Variants in CRYL1 observed in about 807,000 individuals in gnomAD.
CRYL1 encodes lambda-crystallin homolog.
In CRYL1, 29 loss-of-function variants were observed where a neutral mutation model predicts 36.6. The ratio of observed to expected loss-of-function variants is 0.79; its 90% CI spans 0.59 to 1.08. CRYL1 has a LOEUF of 1.08. CRYL1 is among the 50% of genes least tolerant of loss of function. The pLI, the probability that CRYL1 is intolerant of heterozygous loss-of-function variation, is 0.00. For missense variants in CRYL1, 411 were observed against 407.9 expected (o/e 1.01, Z -0.06); for synonymous variants, 152 against 151.5 (o/e 1.00, Z -0.02).
chr13:20,469,942 A>G (rs2033020018), intron 3 of CRYL1, among the ~76,000 whole-genome samples: 2 of 152,236 alleles, frequency 1.3e-5, no homozygotes, highest in South Asian at 4.1e-4. Context: ...GAAGGATGGG[A>G]GGGACACAGC....
At chr13:20,507,584 A>G (rs2033816224) in intron 2 of CRYL1, among the ~76,000 whole-genome samples, 1 of 152,158 alleles carries the variant, frequency 6.6e-6, no homozygotes, top group African/African-American at 2.4e-5. Context: ...TCAGCTCCAA[A>G]CCTACCTGTT....
At chr13:20,507,519 C>G (rs929285824) in intron 2 of CRYL1, among the ~76,000 whole-genome samples, 1 of 152,198 alleles carries the variant, frequency 6.6e-6, no homozygotes, top group African/African-American at 2.4e-5. Flanking sequence ...GTCTCCTCTT[C>G]CCTTGGAGGT....
chr13:20,489,611 C>CCA, intron 2 of CRYL1, 115 bp from the exon 3 acceptor site: 3 of 1,217,624 alleles, frequency 2.5e-6, no homozygotes, highest in Non-Finnish European at 3.5e-6. Flanking sequence ...AGTGAGATAC[C>CCA]ACCTCACACC....
chr13:20,462,955 C>A (rs2032861586), intron 3 of CRYL1, among the ~76,000 whole-genome samples: 1 of 152,188 alleles, frequency 6.6e-6, no homozygotes, highest in Non-Finnish European at 1.5e-5. Flanking sequence ...ACTTTATATG[C>A]CTTTTCATTT....
chr13:20,478,888 G>A (rs558619312), intron 3 of CRYL1, among the ~76,000 whole-genome samples: 10 of 151,978 alleles, frequency 6.6e-5, no homozygotes, highest in Non-Finnish European at 1.0e-4. Flanking sequence ...AGGTAGCTGG[G>A]ACTACAGGCA....
intron 3 of CRYL1, among the ~76,000 whole-genome samples, chr13:20,467,981 T>C (rs1481676152): frequency 6.6e-6 from 1 of 152,038 alleles, no homozygotes; most frequent in East Asian, 1.9e-4. Context: ...ACTTAAGGGA[T>C]CTAGGTTGTG....
At chr13:20,507,633 C>T (rs1004207631) in intron 2 of CRYL1, among the ~76,000 whole-genome samples, 8 of 152,174 alleles carry the variant, frequency 5.3e-5, no homozygotes, top group Admixed American at 2.0e-4. Context: ...AAAGTCCACG[C>T]CCAGGCTGGG....
At chr13:20,484,354 A>G (rs935740516) in intron 3 of CRYL1, among the ~76,000 whole-genome samples, 1 of 152,044 alleles carries the variant, frequency 6.6e-6, no homozygotes, top group African/African-American at 2.4e-5. Flanking sequence ...GACTTTGGGA[A>G]CCTCAGCTTT....
intron 4 of CRYL1, among the ~76,000 whole-genome samples, chr13:20,432,732 G>A (rs9552177): frequency 0.58 from 88,500 of 151,888 alleles, 26,564 homozygotes; most frequent in African/African-American, 0.74. Flanking sequence ...AAAAATTATT[G>A]GCAAGCTGGG....
At chr13:20,519,001 T>C (rs926719930) in intron 1 of CRYL1, among the ~76,000 whole-genome samples, 1 of 152,060 alleles carries the variant, frequency 6.6e-6, no homozygotes, top group Non-Finnish European at 1.5e-5. Context: ...CAGTGAGAAA[T>C]GCTAAGGGTG....
chr13:20,423,140 C>A (rs2031858420), intron 5 of CRYL1, among the ~76,000 whole-genome samples: 1 of 152,176 alleles, frequency 6.6e-6, no homozygotes, highest in African/African-American at 2.4e-5. Flanking sequence ...TTGTATCCTG[C>A]AACTTTACTG....
chr13:20,426,104 G>A (rs866489188), intron 5 of CRYL1, among the ~76,000 whole-genome samples: 5 of 152,272 alleles, frequency 3.3e-5, no homozygotes, highest in Middle Eastern at 3.4e-3. Flanking sequence ...CATGCAAGCA[G>A]GATGACAAGG....
intron 2 of CRYL1, among the ~76,000 whole-genome samples, chr13:20,498,344 TACAC>T (rs1229951530): frequency 9.6e-6 from 1 of 104,126 alleles, no homozygotes; most frequent in South Asian, 3.4e-4. Flanking sequence ...ACATACCTCA[TACAC>T]ACACTATACA....
At chr13:20,514,576 C>T (rs2033968197) in intron 1 of CRYL1, among the ~76,000 whole-genome samples, 1 of 152,062 alleles carries the variant, frequency 6.6e-6, no homozygotes. Flanking sequence ...AGCAATAAGA[C>T]ATTAGGTAAA....
At chr13:20,507,072 T>C (rs7336556) in intron 2 of CRYL1, among the ~76,000 whole-genome samples, 84,185 of 152,078 alleles carry the variant, frequency 0.55, 24,887 homozygotes, top group South Asian at 0.69. Context: ...CTCTGTGAGA[T>C]GTGCCGTTCA....
intron 3 of CRYL1, among the ~76,000 whole-genome samples, chr13:20,453,919 T>C (rs1316570578): frequency 6.6e-6 from 1 of 152,166 alleles, no homozygotes; most frequent in African/African-American, 2.4e-5. Flanking sequence ...AATGGACTGA[T>C]TACTTGAAAG....
chr13:20,493,675 AAAG>A (rs1301450694), intron 2 of CRYL1, among the ~76,000 whole-genome samples: 3 of 152,108 alleles, frequency 2.0e-5, no homozygotes, highest in Non-Finnish European at 4.4e-5. Flanking sequence ...GAAGAAGAAG[AAAG>A]AAGGAGAAGG....
intron 5 of CRYL1, among the ~76,000 whole-genome samples, chr13:20,416,410 G>T (rs763051960): frequency 2.7e-4 from 41 of 152,178 alleles, no homozygotes; most frequent in Non-Finnish European, 5.3e-4. Flanking sequence ...AGGCATTGTC[G>T]CCTCCTCTCC....
At chr13:20,430,279 C>T (rs2032029536) in intron 5 of CRYL1, 10 of 985,392 alleles carry the variant, frequency 1.0e-5, no homozygotes, top group Non-Finnish European at 1.1e-5. Flanking sequence ...TTGACCTCTT[C>T]CTGTTCTGTC....
Sources: gnomAD v4.1 joint callset for allele counts (sites outside exome capture counted in the v4.1 genomes callset) on GRCh38, gnomAD v4.1.1 for gene constraint, MANE v1.5 for transcripts, NCBI Gene and HGNC (gene_info 2026-07-23, HGNC 2026-07-21) for gene names.